RPS6KA2: variants seen among roughly 807,000 people sequenced by gnomAD.
The protein encoded by RPS6KA2 is ribosomal protein S6 kinase alpha-2.
A neutral mutation model predicts 91.8 loss-of-function variants in RPS6KA2; 42 were observed. The observed-to-expected ratio is 0.46, with a 90% CI of 0.36 to 0.59. The LOEUF (loss-of-function observed/expected upper bound fraction) is 0.59. Among genes scored for constraint, RPS6KA2 ranks in the 20% least tolerant of loss-of-function variants. RPS6KA2 has a pLI of 0.00. For synonymous variants in RPS6KA2, 414 were observed against 393.6 expected (o/e 1.05, Z -0.61); for missense variants, 798 against 978.5 (o/e 0.82, Z 2.46).
Position 166,639,156 on chromosome 6 carries a change from C to T in RPS6KA2, c.124-100372G>A, listed in dbSNP as rs1437833397. Reference sequence around the variant, plus strand: ...AAAATTAATGAAATGGCTGGGAAGGCAGTCGACTCCCAAATATGAGAATTT... The same window carrying T: ...AAAATTAATGAAATGGCTGGGAAGGTAGTCGACTCCCAAATATGAGAATTT... On this transcript the variant is annotated intron_variant, in intron 2 of 21. Transcript: ENST00000503859. This position sits in a 1 kb window ranked among gnomAD's most constrained non-coding sequence, Gnocchi z 4.2. Among the ~76,000 whole-genome samples the T allele has an allele frequency of 6.6e-6, 1 of 152,184 alleles. No individual in the cohort carries two copies. Among genetic ancestry groups the T allele is most frequent in the African/African-American group, 2.4e-5 (1 of 41,436 alleles).
chr6:166,512,228 A>T (rs187936044), intron 3 of RPS6KA2, among the ~76,000 whole-genome samples: 1 of 152,222 alleles, frequency 6.6e-6, no homozygotes, highest in Admixed American at 6.5e-5. Flanking sequence ...CAAGAGGACA[A>T]CTATTGTAGG....
intron 1 of RPS6KA2, among the ~76,000 whole-genome samples, chr6:166,861,811 T>G (rs550602742): frequency 6.6e-6 from 1 of 152,230 alleles, no homozygotes; most frequent in African/African-American, 2.4e-5. Flanking sequence ...CTTTAAGACT[T>G]ACATAGACTT....
chr6:166,767,189 C>G lies in RPS6KA2; in HGVS notation c.123+91011G>C, dbSNP rs141211956. Among the ~76,000 whole-genome samples, 242 of 152,336 alleles carry G rather than the reference C, an allele frequency of 1.6e-3. 1 individual carries two copies. Among genetic ancestry groups the G allele is most frequent in the African/African-American group, 5.4e-3 (224 of 41,560 alleles). Reference sequence around the variant, plus strand: ...GAACCAGACTTTTGTATTTTATCCCCTAGACTCTGCCCAGTTTTTAATGTC... The same window carrying G: ...GAACCAGACTTTTGTATTTTATCCCGTAGACTCTGCCCAGTTTTTAATGTC... On this transcript the variant is annotated intron_variant, in intron 2 of 21. Transcript: ENST00000503859. The surrounding 1 kb of genome is among the most constrained non-coding windows in gnomAD (Gnocchi z 4.6).
chr6:166,488,737 G>T, intron 10 of RPS6KA2, 96 bp downstream of exon 10: 1 of 891,612 alleles, frequency 1.1e-6, no homozygotes, highest in South Asian at 1.4e-5. Flanking sequence ...GGTTGGCATT[G>T]GGCCGGAGCA....
rs1305514627 is a variant in RPS6KA2 at position 166,508,068 on chromosome 6, C to T, written c.459+135G>A. On this transcript the variant is annotated intron_variant, in intron 5 of 20. Coordinates refer to ENST00000265678, the MANE Select transcript of RPS6KA2 (RefSeq NM_021135.6). This position sits in a 1 kb window ranked among gnomAD's most constrained non-coding sequence, Gnocchi z 4.3. Reference sequence around the variant, plus strand: ...ACACGCACTCTTGCACACACTCACACATGCACACACCCCCACACACACACA... The same window carrying T: ...ACACGCACTCTTGCACACACTCACATATGCACACACCCCCACACACACACA... 2 of 621,416 alleles carry T rather than the reference C, an allele frequency of 3.2e-6. No individual in the cohort carries two copies. Among genetic ancestry groups the T allele is most frequent in the Non-Finnish European group, 5.8e-6 (2 of 342,074 alleles). 38.5% of individuals were successfully genotyped at this position (621,416 alleles called of 1,614,324 possible).
At chr6:166,689,737 G>C (rs896852202) in intron 2 of RPS6KA2, among the ~76,000 whole-genome samples, 1 of 152,188 alleles carries the variant, frequency 6.6e-6, no homozygotes, top group Non-Finnish European at 1.5e-5. Flanking sequence ...GCAAAAGTTT[G>C]GTGTCCCTGA....
chr6:166,580,953 A>G (rs1402430119), intron 1 of RPS6KA2, among the ~76,000 whole-genome samples: 9 of 152,006 alleles, frequency 5.9e-5, no homozygotes, highest in Admixed American at 1.3e-4. Context: ...CCAGGCTGGA[A>G]TGCAGTGGCG....
chr6:166,669,508 C>T (rs1173373776), intron 2 of RPS6KA2, among the ~76,000 whole-genome samples: 1 of 152,148 alleles, frequency 6.6e-6, no homozygotes, highest in Non-Finnish European at 1.5e-5. Flanking sequence ...TCAGGTCCTA[C>T]TGCGTTTTCA....
intron 1 of RPS6KA2, among the ~76,000 whole-genome samples, chr6:166,605,051 G>GCGACCA (rs762045666): frequency 5.3e-4 from 81 of 152,202 alleles, no homozygotes; most frequent in Middle Eastern, 3.4e-3. Context: ...GGGCTTCACT[G>GCGACCA]CGACCACGTG....
At chr6:166,661,395 A>G (rs1440218510) in intron 2 of RPS6KA2, among the ~76,000 whole-genome samples, 3 of 152,240 alleles carry the variant, frequency 2.0e-5, no homozygotes, top group African/African-American at 7.2e-5. Context: ...CCACCGCTGT[A>G]TGGCCAAAAT....
Position 166,493,358 on chromosome 6 carries a change from A to G in RPS6KA2, c.748-2617T>C, listed in dbSNP as rs887567150. On this transcript the variant is annotated intron_variant, in intron 8 of 20. Coordinates refer to ENST00000265678, the MANE Select transcript of RPS6KA2 (RefSeq NM_021135.6). This position sits in a 1 kb window ranked among gnomAD's most constrained non-coding sequence, Gnocchi z 4.7. Reference sequence around the variant, plus strand: ...GAGATCATTTCAGTATGATTGTCTGAATGGAGCTGCCCGGGAACTTTCCAG... The same window carrying G: ...GAGATCATTTCAGTATGATTGTCTGGATGGAGCTGCCCGGGAACTTTCCAG... Among the ~76,000 whole-genome samples the G allele has an allele frequency of 6.6e-6, 1 of 152,196 alleles. No individual in the cohort carries two copies. The highest frequency in any genetic ancestry group is 1.5e-5 in the Non-Finnish European group (1 of 68,012).
chr6:166,538,484 G>A (rs1437121026), intron 2 of RPS6KA2, among the ~76,000 whole-genome samples, 184 bp downstream of exon 2: 1 of 152,162 alleles, frequency 6.6e-6, no homozygotes, highest in Non-Finnish European at 1.5e-5. Context: ...ACCTGGCACA[G>A]CCCAGCCCTG....
intron 10 of RPS6KA2, among the ~76,000 whole-genome samples, chr6:166,486,044 C>T (rs1781396461): frequency 6.6e-6 from 1 of 152,306 alleles, no homozygotes; most frequent in South Asian, 2.1e-4. Context: ...GTGCAGACAG[C>T]TTTAGGAGCT....
At chr6:166,685,483 G>A (rs1270099810) in intron 2 of RPS6KA2, among the ~76,000 whole-genome samples, 2 of 152,226 alleles carry the variant, frequency 1.3e-5, no homozygotes, top group Non-Finnish European at 2.9e-5. Context: ...AAGGATCCCA[G>A]ACCTCTGACT....
At chr6:166,436,771 C>G (rs1453137684) in intron 14 of RPS6KA2, among the ~76,000 whole-genome samples, 2 of 152,186 alleles carry the variant, frequency 1.3e-5, no homozygotes, top group African/African-American at 4.8e-5. Context: ...GAAGGGAAGT[C>G]CCACAGACTG....
rs142062424 is a variant in RPS6KA2, at chr6:166,670,783, CA to C, written c.124-132000del. ...GTTTCTCTACTCTTAAGGCTACCCT[CA>C]AATGTCAGCTAAAATTCCACTAAGT... On this transcript the variant is annotated intron_variant, in intron 2 of 21. Transcript: ENST00000503859. Among the ~76,000 whole-genome samples the C allele has an allele frequency of 3.1e-3, 479 of 152,320 alleles. 1 individual carries two copies. The highest frequency in any genetic ancestry group is 4.6e-3 in the Non-Finnish European group (315 of 68,026).
intron 2 of RPS6KA2, among the ~76,000 whole-genome samples, chr6:166,836,678 T>C (rs1780325327): frequency 1.3e-5 from 2 of 152,146 alleles, no homozygotes; most frequent in Non-Finnish European, 2.9e-5. Context: ...ATCATATTTA[T>C]TATAGTTACT....
chr6:166,451,357 G>A (rs1779911973), intron 12 of RPS6KA2, 124 bp from the exon 13 acceptor site: 3 of 1,093,602 alleles, frequency 2.7e-6, no homozygotes, highest in African/African-American at 1.5e-5. Context: ...GTGTGTGTGT[G>A]TGCACGTGGC....
rs560022661 is a variant in RPS6KA2, at chr6:166,495,958, G to C, written c.747+2550C>G. Among the ~76,000 whole-genome samples, 1 of 152,206 alleles carries C rather than the reference G, an allele frequency of 6.6e-6. No homozygotes were observed. Among genetic ancestry groups the C allele is most frequent in the Non-Finnish European group, 1.5e-5 (1 of 68,050 alleles). The stretch of plus-strand genomic sequence containing the variant: ...TCATTTCCTCTTCTTCTGGCCCCTC[G>C]TCGTGTCTCCATCTTTGGATCATTC... On this transcript the variant is annotated intron_variant, in intron 8 of 20. Coordinates refer to ENST00000265678, the MANE Select transcript of RPS6KA2 (RefSeq NM_021135.6). This position sits in a 1 kb window ranked among gnomAD's most constrained non-coding sequence, Gnocchi z 4.4.
Sources: gnomAD v4.1 joint callset for allele counts (sites outside exome capture counted in the v4.1 genomes callset) on GRCh38, gnomAD v4.1.1 for gene constraint, Gnocchi (gnomAD v3.1) non-coding constraint, MANE v1.5 for transcripts, NCBI Gene and HGNC (gene_info 2026-07-23, HGNC 2026-07-21) for gene names.